The following ST8SIA4 variants were observed in gnomAD, a reference collection of about 807,000 sequenced individuals.
ST8SIA4 encodes the protein CMP-N-acetylneuraminate-poly-alpha-2,8-sialyltransferase.
Under a neutral mutation model 33.9 loss-of-function variants are expected in ST8SIA4, and 15 were observed. That is an observed-to-expected ratio of 0.44 (90% confidence interval 0.30 to 0.68). The LOEUF is 0.68. Among genes scored for constraint, ST8SIA4 ranks in the 30% least tolerant of loss-of-function variants. The probability of loss-of-function intolerance (pLI) is 0.10; values close to 1 mark genes in which losing one functional copy is unlikely to be tolerated. For synonymous variants in ST8SIA4, 171 were observed against 151.2 expected (o/e 1.13, Z -0.96); for missense variants, 321 against 428.0 (o/e 0.75, Z 2.21).
intron 3 of ST8SIA4, among the ~76,000 whole-genome samples, chr5:100,863,141 GA>G (rs762106983): frequency 6.6e-6 from 1 of 152,148 alleles, no homozygotes; most frequent in Non-Finnish European, 1.5e-5. Context: ...CCAGCATGCA[GA>G]AAGTCACTCC....
At chr5:100,866,287 G>T (rs1054441198) in intron 3 of ST8SIA4, among the ~76,000 whole-genome samples, 1 of 151,942 alleles carries the variant, frequency 6.6e-6, no homozygotes, top group African/African-American at 2.4e-5. Flanking sequence ...GGGCCTATCA[G>T]TCAAAGCCCA....
At chr5:100,879,995 T>C (rs910076567) in intron 3 of ST8SIA4, among the ~76,000 whole-genome samples, 1 of 152,130 alleles carries the variant, frequency 6.6e-6, no homozygotes, top group Admixed American at 6.6e-5. Context: ...TATGGTAATA[T>C]TGAAGTTTGT....
intron 3 of ST8SIA4, among the ~76,000 whole-genome samples, chr5:100,879,517 A>T (rs1752372361): frequency 6.6e-6 from 1 of 152,130 alleles, no homozygotes; most frequent in Non-Finnish European, 1.5e-5. Context: ...TATAATAGAG[A>T]TGACGATAGT....
chr5:100,840,201 CTTTTA>C (rs1298603654), intron 4 of ST8SIA4, among the ~76,000 whole-genome samples: 2 of 151,578 alleles, frequency 1.3e-5, no homozygotes, highest in Non-Finnish European at 3.0e-5. Flanking sequence ...TCCTTTCACC[CTTTTA>C]TTTTAACATT....
At chr5:100,884,168 G>A (rs184374487) in intron 3 of ST8SIA4, among the ~76,000 whole-genome samples, 13 of 152,192 alleles carry the variant, frequency 8.5e-5, no homozygotes, top group Admixed American at 1.3e-4. Context: ...ATTAATATAC[G>A]GCAGATTATA....
intron 4 of ST8SIA4, chr5:100,816,593 A>C (rs1750923496): frequency 2.0e-6 from 1 of 501,914 alleles, no homozygotes; most frequent in East Asian, 5.8e-5. Context: ...TTAAAATGTT[A>C]TTCTTCTTCC....
chr5:100,863,719 T>C (rs931570253), intron 3 of ST8SIA4, among the ~76,000 whole-genome samples: 4 of 152,168 alleles, frequency 2.6e-5, no homozygotes, highest in African/African-American at 9.7e-5. Context: ...TCTCAAAATA[T>C]TATGAGGTCG....
intron 2 of ST8SIA4, among the ~76,000 whole-genome samples, chr5:100,895,227 A>T (rs1388441148): frequency 6.6e-6 from 1 of 152,056 alleles, no homozygotes; most frequent in Non-Finnish European, 1.5e-5. Context: ...ACAGGATAAG[A>T]CTAATTTATT....
intron 4 of ST8SIA4, among the ~76,000 whole-genome samples, chr5:100,838,078 T>C (rs976217323): frequency 1.3e-5 from 2 of 152,000 alleles, no homozygotes; most frequent in African/African-American, 2.4e-5. Flanking sequence ...GTAGGATGAA[T>C]GAATCAGGCT....
chr5:100,892,963 C>A (rs1752706719), intron 2 of ST8SIA4, among the ~76,000 whole-genome samples: 1 of 151,818 alleles, frequency 6.6e-6, no homozygotes, highest in African/African-American at 2.4e-5. Context: ...TGTAACAAAC[C>A]TGCATGCTCT....
At chr5:100,823,839 T>C (rs549586045) in intron 4 of ST8SIA4, among the ~76,000 whole-genome samples, 34 of 152,338 alleles carry the variant, frequency 2.2e-4, no homozygotes, top group Admixed American at 1.7e-3. Flanking sequence ...ATTTATTCCA[T>C]ACAATTTGTT....
chr5:100,822,563 C>G (rs1248856444), intron 4 of ST8SIA4, among the ~76,000 whole-genome samples: 5 of 152,042 alleles, frequency 3.3e-5, no homozygotes, highest in Admixed American at 3.3e-4. Flanking sequence ...TGATAACGTA[C>G]AAATAATAGT....
intron 4 of ST8SIA4, among the ~76,000 whole-genome samples, chr5:100,830,965 C>T (rs902469838): frequency 2.6e-5 from 4 of 151,956 alleles, no homozygotes; most frequent in East Asian, 3.8e-4. Context: ...ACAGTATAAC[C>T]AATGCATTCT....
chr5:100,840,212 A>G (rs1369167349), intron 4 of ST8SIA4, among the ~76,000 whole-genome samples: 2 of 151,782 alleles, frequency 1.3e-5, no homozygotes, highest in Admixed American at 1.3e-4. Context: ...TTTTATTTTA[A>G]CATTTTAGAG....
intron 3 of ST8SIA4, chr5:100,885,366 T>A (rs1752512969): frequency 1.0e-6 from 1 of 964,346 alleles, no homozygotes; most frequent in East Asian, 1.1e-4. Flanking sequence ...CACTTGATAA[T>A]GCTTGAGTGT....
intron 3 of ST8SIA4, among the ~76,000 whole-genome samples, chr5:100,871,800 A>G (rs1201942809): frequency 6.6e-6 from 1 of 152,070 alleles, no homozygotes; most frequent in Non-Finnish European, 1.5e-5. Flanking sequence ...CATCTGATAA[A>G]TGAGAAAATC....
chr5:100,876,194 G>T (rs949021052), intron 3 of ST8SIA4, among the ~76,000 whole-genome samples: 1 of 152,014 alleles, frequency 6.6e-6, no homozygotes, highest in Non-Finnish European at 1.5e-5. Context: ...ATATGTAACT[G>T]AACATTCTTT....
chr5:100,864,292 G>C (rs956720170), intron 3 of ST8SIA4, among the ~76,000 whole-genome samples: 2 of 151,870 alleles, frequency 1.3e-5, no homozygotes, highest in African/African-American at 4.8e-5. Context: ...TTATAAAAGC[G>C]GGCCGGGTGC....
intron 1 of ST8SIA4, among the ~76,000 whole-genome samples, chr5:100,897,223 A>G (rs894715384): frequency 2.6e-5 from 4 of 152,230 alleles, no homozygotes; most frequent in Non-Finnish European, 2.9e-5. Flanking sequence ...CCTGCAACCA[A>G]TAGTGTCAAG....
Sources: gnomAD v4.1 joint callset for allele counts (sites outside exome capture counted in the v4.1 genomes callset) on GRCh38, gnomAD v4.1.1 for gene constraint, MANE v1.5 for transcripts, NCBI Gene and HGNC (gene_info 2026-07-23, HGNC 2026-07-21) for gene names.